Variants in CORO7 observed in about 807,000 individuals in gnomAD.
CORO7 encodes the protein coronin-7.
A neutral mutation model predicts 126.6 loss-of-function variants in CORO7; 107 were observed. That is an observed-to-expected ratio of 0.85 (90% CI 0.72 to 0.99). The LOEUF is 0.99. Among genes scored for constraint, CORO7 ranks in the 50% least tolerant of loss-of-function variants. The probability of loss-of-function intolerance (pLI) is 0.00; values close to 1 mark genes in which losing one functional copy is unlikely to be tolerated. For missense variants in CORO7, 1,314 were observed against 1,255.8 expected (o/e 1.05, Z -0.70); for synonymous variants, 603 against 536.8 (o/e 1.12, Z -1.70).
At position 4,372,509 on chromosome 16, in the gene CORO7, C is replaced by T. The variant is rs1486963207; in HGVS notation, c.786-6964G>A. Among the ~76,000 whole-genome samples, 9 of 152,264 alleles carry T rather than the reference C, an allele frequency of 5.9e-5. No individual in the cohort carries two copies. In the Middle Eastern group the frequency reaches 0.02, roughly 345 times the overall value. On this transcript the variant is annotated intron_variant, in intron 9 of 27. Transcript: ENST00000251166. The stretch of plus-strand genomic sequence containing the variant: ...GGGCGGGGAGTGGCTGGTGGGCGTC[C>T]GATGCCCATCCCTCCAGGTGGGGGA...
chr16:4,361,445 C>T lies in CORO7; in HGVS notation c.1603G>A (p.Asp535Asn), dbSNP rs758600797. 25 of 1,612,030 alleles carry T rather than the reference C, an allele frequency of 1.6e-5. No homozygotes were observed. The Middle Eastern group carries it at 6.9e-4, about 44-fold the overall frequency. The stretch of plus-strand genomic sequence containing the variant: ...TTCTGCAGCGTGGGCAGTGCCGTGT[C>T]GGGCAGGCGGCCAGGCTTCCGTAGC... ...LELRKPGRLP[D>N]TALPTLQNGA... The change falls in exon 17 of 28, where the codon GAC (aspartate) becomes AAC (asparagine). Residue 535 changes from aspartate to asparagine, a missense_variant. Transcript: ENST00000251166.
intron 9 of CORO7, among the ~76,000 whole-genome samples, chr16:4,380,086 G>T (rs2054899035): frequency 6.7e-6 from 1 of 150,046 alleles, no homozygotes; most frequent in Admixed American, 6.6e-5. Context: ...GTAGATGAAT[G>T]ACTCTGCAGA....
chr16:4,374,130 CGT>C (rs1302496773), intron 9 of CORO7, among the ~76,000 whole-genome samples: 1 of 127,922 alleles, frequency 7.8e-6, no homozygotes, highest in Non-Finnish European at 1.6e-5. Context: ...GCCCAGTGGG[CGT>C]GTGTCTGGCG....
At chr16:4,384,810 C>T (rs542729909) in intron 9 of CORO7, among the ~76,000 whole-genome samples, 1 of 152,314 alleles carries the variant, frequency 6.6e-6, no homozygotes, top group South Asian at 2.1e-4. Flanking sequence ...GGCCTGGGTC[C>T]CATTAGGGGA....
At chr16:4,380,424 C>T (rs931329113) in intron 9 of CORO7, among the ~76,000 whole-genome samples, 1 of 152,246 alleles carries the variant, frequency 6.6e-6, no homozygotes, top group Non-Finnish European at 1.5e-5. Context: ...CAGGAGCCGG[C>T]GGCCAAGGCA....
chr16:4,357,120 C>A, intron 26 of CORO7, 48 bp downstream of exon 26: 1 of 1,609,840 alleles, frequency 6.2e-7, no homozygotes, highest in Non-Finnish European at 8.5e-7. Context: ...TGGCCAGGTG[C>A]AGCCAGGACT....
intron 2 of CORO7, 52 bp downstream of exon 2, chr16:4,413,256 T>A: frequency 6.6e-7 from 1 of 1,520,880 alleles, no homozygotes; most frequent in South Asian, 1.2e-5. Context: ...CCATCTATGG[T>A]GACGATGACC....
At chr16:4,361,781 T>C in intron 16 of CORO7, 2 of 928,298 alleles carry the variant, frequency 2.2e-6, no homozygotes, top group Non-Finnish European at 3.4e-6. Context: ...TCACTAAACC[T>C]CTCTGTGCCT....
At chr16:4,380,985 C>T in intron 9 of CORO7, 1 of 1,608,228 alleles carries the variant, frequency 6.2e-7, no homozygotes, top group African/African-American at 1.3e-5. Context: ...CACAGACAGT[C>T]TTCTGCACTG....
rs556093901 is a variant in CORO7 at position 4,360,487 on chromosome 16, C to G, written c.1979G>C (p.Arg660Pro). Reference protein sequence around the residue: ...QQLATVCKDGRVRVYRPRSGP... With the variant: ...QQLATVCKDGPVRVYRPRSGP... ...ACTCCGGGGCCTGTAGACCCGCACACGCCCATCCTTGCAGACAGTGGCCAG... is the reference window on the plus strand; with the variant it reads ...ACTCCGGGGCCTGTAGACCCGCACAGGCCCATCCTTGCAGACAGTGGCCAG... Residue 660 changes from arginine (R) to proline (P), a missense_variant, in exon 20 of 28, where the codon CGT becomes CCT. Physicochemically the swap from Arg to Pro is moderately radical, Grantham distance 103 (BLOSUM62 -2). Transcript: ENST00000251166. 9 of 1,612,392 alleles carry G rather than the reference C, an allele frequency of 5.6e-6. No individual in the cohort carries two copies. Among genetic ancestry groups the G allele is most frequent in the Middle Eastern group, 3.3e-4 (2 of 6,062 alleles).
chr16:4,362,835 T>C lies in CORO7; in HGVS notation c.1276-97A>G, dbSNP rs2054226138. Reference sequence around the variant, plus strand: ...TCCAGGGTCACCACTCTGGGCCCCCTGCGGACTGGAGGAGCCCCCACTGTG... The same window carrying C: ...TCCAGGGTCACCACTCTGGGCCCCCCGCGGACTGGAGGAGCCCCCACTGTG... On this transcript the variant is annotated intron_variant, in intron 14 of 27. Transcript: ENST00000251166. This position sits in a 1 kb window ranked among gnomAD's most constrained non-coding sequence, Gnocchi z 5.3. 4.0e-6 allele frequency: 5 copies of C among 1,248,022 alleles called. No homozygotes were observed. Among genetic ancestry groups the C allele is most frequent in the South Asian group, 3.1e-5 (1 of 32,656 alleles). 77.3% of individuals were successfully genotyped at this position (1,248,022 alleles called of 1,614,324 possible). A position where few individuals can be genotyped will look rare whatever the true frequency, so the allele number is the denominator to read the frequency against.
At chr16:4,372,570 G>C (rs557940970) in intron 9 of CORO7, among the ~76,000 whole-genome samples, 11 of 152,298 alleles carry the variant, frequency 7.2e-5, no homozygotes, top group Admixed American at 5.9e-4. Flanking sequence ...AGAGCTTCGG[G>C]TATCAGGCAG....
intron 9 of CORO7, chr16:4,382,229 C>G: frequency 6.2e-7 from 1 of 1,606,256 alleles, no homozygotes; most frequent in Non-Finnish European, 8.5e-7. Flanking sequence ...GGGACACGGC[C>G]CAGCCCTACA....
chr16:4,395,783 A>C (rs1212877081), intron 6 of CORO7, among the ~76,000 whole-genome samples: 1 of 152,242 alleles, frequency 6.6e-6, no homozygotes. Flanking sequence ...GGAGAGGCTC[A>C]TATGACGACC....
intron 23 of CORO7, chr16:4,358,884 T>C (rs1356840494): frequency 3.7e-6 from 1 of 268,420 alleles, no homozygotes; most frequent in East Asian, 7.8e-5. Context: ...ACTTTGGTTT[T>C]TAATATTATT....
chr16:4,357,226 C>T lies in CORO7; in HGVS notation c.2627G>A (p.Arg876Gln), dbSNP rs758827299. The T allele has an allele frequency of 1.2e-5, 20 of 1,613,510 alleles. No homozygotes were observed. Among genetic ancestry groups the T allele is most frequent in the East Asian group, 1.1e-4 (5 of 44,882 alleles). Residue 876 changes from arginine to glutamine, a missense_variant, in exon 26 of 28, where the codon CGG becomes CAG. By Grantham distance (43) the Arg-to-Gln change is conservative. Coordinates refer to ENST00000251166, the MANE Select transcript of CORO7 (RefSeq NM_024535.5). ...CAGGTACTGCGCTGAGGATGGGGCC[C>T]GACGAGCAGGGGCCTCTCGGGGGGC... ...SQAPREAPAR[R>Q]APSSAQYLEE...
chr16:4,381,896 T>C, intron 9 of CORO7: 1 of 1,605,946 alleles, frequency 6.2e-7, no homozygotes, highest in Non-Finnish European at 8.5e-7. Flanking sequence ...CGGCTGCTCC[T>C]GGAGCTTGAC....
At chr16:4,368,747 CAAAA>C (rs1283259505) in intron 9 of CORO7, among the ~76,000 whole-genome samples, 2 of 56,666 alleles carry the variant, frequency 3.5e-5, no homozygotes. Context: ...GACTCCATCT[CAAAA>C]AAAAAAAAAA....
At chr16:4,360,852 G>A (rs2054152006) in intron 19 of CORO7, 91 bp downstream of exon 19, 4 of 1,514,880 alleles carry the variant, frequency 2.6e-6, no homozygotes, top group African/African-American at 2.8e-5. Flanking sequence ...CCTCACTGCT[G>A]GCCCCGCCAC....
Sources: allele counts gnomAD v4.1 joint callset (sites outside exome capture counted in the v4.1 genomes callset), GRCh38; gene constraint gnomAD v4.1.1; non-coding constraint Gnocchi (gnomAD v3.1); transcripts MANE v1.5; gene names NCBI Gene and HGNC (gene_info 2026-07-23, HGNC 2026-07-21).